FAT4: variants seen among roughly 807,000 people sequenced by gnomAD.
FAT4 encodes FAT atypical cadherin 4, also known as protocadherin Fat 4.
Under a neutral mutation model 303.9 loss-of-function variants are expected in FAT4, and 84 were observed. That is an observed-to-expected ratio of 0.28 (90% confidence interval 0.23 to 0.33). FAT4 has a LOEUF of 0.33. Ranked by LOEUF, FAT4 falls within the 10% of genes least tolerant of loss-of-function variation. FAT4 has a pLI of 1.00. For synonymous variants in FAT4, 2,307 were observed against 2,298.8 expected, an observed-to-expected ratio of 1.00 and a Z score of -0.10; for missense variants, 6,005 against 6,146.8, an observed-to-expected ratio of 0.98 and a Z score of 0.77.
intron 2 of FAT4, among the ~76,000 whole-genome samples, chr4:125,391,256 A>G (rs1733964280): frequency 6.6e-6 from 1 of 152,172 alleles, no homozygotes; most frequent in African/African-American, 2.4e-5. Context: ...TAGCAAAGAA[A>G]TGGATCCAAC....
rs780046426 is a variant in FAT4 at position 125,434,237 on chromosome 4, C to CTT, written c.7019-4_7019-3dup. Reference sequence around the variant, plus strand: ...AAACATTGAGACTTGATTTTCTTTTCTTTTTAGGATCCCCTGCCTTGACTG... The same window carrying CTT: ...AAACATTGAGACTTGATTTTCTTTTCTTTTTTTAGGATCCCCTGCCTTGACTG... On this transcript the variant is annotated splice_polypyrimidine_tract_variant and splice_region_variant and intron_variant, in intron 7 of 17. Coordinates refer to ENST00000394329, the MANE Select transcript of FAT4 (RefSeq NM_001291303.3). 4.4e-6 allele frequency: 7 copies of CTT among 1,594,882 alleles called. No individual in the cohort carries two copies. The highest frequency in any genetic ancestry group is 6.0e-6 in the Non-Finnish European group (7 of 1,170,246).
At chr4:125,396,541 C>A (rs1216020681) in intron 2 of FAT4, among the ~76,000 whole-genome samples, 1 of 152,044 alleles carries the variant, frequency 6.6e-6, no homozygotes, top group South Asian at 2.1e-4. Context: ...TACACACTTA[C>A]ATGCACACAT....
At chr4:125,385,799 T>A (rs1197257632) in intron 2 of FAT4, among the ~76,000 whole-genome samples, 1 of 152,180 alleles carries the variant, frequency 6.6e-6, no homozygotes, top group African/African-American at 2.4e-5. Flanking sequence ...TCCATAGTAG[T>A]TCAGACTTCT....
Position 125,359,112 on chromosome 4 carries a change from G to A in FAT4, c.5175+37526G>A, listed in dbSNP as rs75150904. ...AAGCAGCAGCATAAATATCTATATAGAATTAGCCAGGTTCTAGTCTGGCAC... is the reference window on the plus strand; with the variant it reads ...AAGCAGCAGCATAAATATCTATATAAAATTAGCCAGGTTCTAGTCTGGCAC... On this transcript the variant is annotated intron_variant, in intron 2 of 17. Transcript: ENST00000394329. Among the ~76,000 whole-genome samples, 261 of 152,172 alleles carry A rather than the reference G, an allele frequency of 1.7e-3. 3 individuals carry two copies. Among genetic ancestry groups the A allele is most frequent in the African/African-American group, 5.8e-3 (239 of 41,534 alleles).
intron 2 of FAT4, among the ~76,000 whole-genome samples, chr4:125,355,532 T>C (rs1019127998): frequency 2.5e-4 from 38 of 152,022 alleles, no homozygotes; most frequent in Non-Finnish European, 4.1e-4. Flanking sequence ...GTCAAGTTAC[T>C]TGATTTTTGT....
chr4:125,356,164 T>C (rs1030902933), intron 2 of FAT4, among the ~76,000 whole-genome samples: 5 of 152,028 alleles, frequency 3.3e-5, no homozygotes, highest in Non-Finnish European at 5.9e-5. Context: ...ATCTTTGTAG[T>C]CTAACAATAA....
At position 125,449,039 on chromosome 4, in the gene FAT4, A is replaced by G. The variant is rs1725934795; in HGVS notation, c.8029A>G (p.Ile2677Val). The G allele has an allele frequency of 6.2e-7, 1 of 1,613,760 alleles. No individual in the cohort carries two copies. The highest frequency in any genetic ancestry group is 1.1e-5 in the South Asian group (1 of 91,068). The part of the protein sequence containing the change: ...NAPIFKEDPF[I>V]SEILENLSPR... ...CCCAATTTTTAAGGAAGACCCATTTATATCTGAAATATTGGAAAACCTTTC... is the reference window on the plus strand; with the variant it reads ...CCCAATTTTTAAGGAAGACCCATTTGTATCTGAAATATTGGAAAACCTTTC... Residue 2677 changes from isoleucine (I) to valine (V), a missense_variant, in exon 10 of 18, where the codon ATA becomes GTA. Coordinates refer to ENST00000394329, the MANE Select transcript of FAT4 (RefSeq NM_001291303.3).
At chr4:125,359,061 G>T (rs907913196) in intron 2 of FAT4, among the ~76,000 whole-genome samples, 2 of 152,120 alleles carry the variant, frequency 1.3e-5, no homozygotes, top group Admixed American at 6.6e-5. Flanking sequence ...ATCAGACTTA[G>T]TGGACAAATT....
chr4:125,490,393 T>C lies in FAT4; in HGVS notation c.13577T>C (p.Ile4526Thr). The C allele has an allele frequency of 1.9e-6, 3 of 1,614,020 alleles. No individual in the cohort carries two copies. Among genetic ancestry groups the C allele is most frequent in the Non-Finnish European group, 2.5e-6 (3 of 1,180,014 alleles). ...TTGGCCCTCCTGGTCCTTAGCCTGATCCTGTGTAACCAGTGCAGGGGGAAG... is the reference window on the plus strand; with the variant it reads ...TTGGCCCTCCTGGTCCTTAGCCTGACCCTGTGTAACCAGTGCAGGGGGAAG... ...TVLALLVLSLILCNQCRGKKA... is the reference protein window; with the variant it reads ...TVLALLVLSLTLCNQCRGKKA... The change falls in exon 18 of 18, where the codon ATC becomes ACC. Residue 4526 changes from isoleucine to threonine, a missense_variant. Coordinates refer to ENST00000394329, the MANE Select transcript of FAT4 (RefSeq NM_001291303.3).
intron 2 of FAT4, among the ~76,000 whole-genome samples, chr4:125,330,406 C>T (rs1230381226): frequency 2.0e-5 from 3 of 152,216 alleles, no homozygotes; most frequent in Non-Finnish European, 4.4e-5. Flanking sequence ...TGTTGGAATG[C>T]CCCTGGAACT....
rs1730803868 is a variant in FAT4 at position 125,319,142 on chromosome 4, A to G, written c.2731A>G (p.Ser911Gly). The change falls in exon 2 of 18, where the codon AGC (serine) becomes GGC (glycine). Residue 911 changes from serine to glycine, a missense_variant. Physicochemically the swap from Ser to Gly is moderately conservative, Grantham distance 56. Coordinates refer to ENST00000394329, the MANE Select transcript of FAT4 (RefSeq NM_001291303.3). ...NVVENWQAGH[S>G]IFQAKAVDPD... The stretch of plus-strand genomic sequence containing the variant: ...GGTGGAGAATTGGCAGGCAGGTCAC[A>G]GCATTTTCCAGGCCAAAGCTGTGGA... 3 of 1,614,188 alleles carry G rather than the reference A, an allele frequency of 1.9e-6. No individual in the cohort carries two copies. The highest frequency in any genetic ancestry group is 2.5e-6 in the Non-Finnish European group (3 of 1,180,034).
In FAT4 at chr4:125,415,705, G is replaced by A; in HGVS notation, c.6742G>A (p.Val2248Ile). The change falls in exon 6 of 18, where the codon GTT becomes ATT. Residue 2248 changes from valine to isoleucine, a missense_variant. Transcript: ENST00000394329. ...PRTDTSTVSI[V>I]LLDINDFVPV... ...AACTGATACCTCCACGGTCAGCATT[G>A]TTCTACTGGATATTAATGACTTTGT... 1 of 1,613,940 alleles carries A rather than the reference G, an allele frequency of 6.2e-7. No homozygotes were observed. Among genetic ancestry groups the A allele is most frequent in the Non-Finnish European group, 8.5e-7 (1 of 1,179,942 alleles).
intron 8 of FAT4, among the ~76,000 whole-genome samples, chr4:125,445,946 G>A (rs995623860): frequency 2.0e-5 from 3 of 151,936 alleles, no homozygotes; most frequent in African/African-American, 7.3e-5. Flanking sequence ...TGTAATCCTG[G>A]CTACTAACCA....
chr4:125,416,338 C>T (rs1446897883), intron 6 of FAT4, 110 bp from the exon 7 acceptor site: 4 of 945,716 alleles, frequency 4.2e-6, no homozygotes, highest in Non-Finnish European at 6.3e-6. Flanking sequence ...AAAAATATAT[C>T]TTTGGAATCT....
At chr4:125,455,033 A>G (rs541651128) in intron 10 of FAT4, among the ~76,000 whole-genome samples, 1 of 152,290 alleles carries the variant, frequency 6.6e-6, no homozygotes, top group East Asian at 1.9e-4. Context: ...ATCATGAATA[A>G]TAGAGCTATA....
Position 125,315,977 on chromosome 4 carries a change from G to C in FAT4, c.-13G>C, listed in dbSNP as rs1045189453. ...CTCCCTCTTCACGTTCTTCGCTGCG[G>C]GTAAGTTCTAAAGTTTCTGAAGACC... On this transcript the variant is annotated splice_region_variant and 5_prime_UTR_variant, in exon 1 of 18. Transcript: ENST00000394329. Among the ~76,000 whole-genome samples, 1 of 152,124 alleles carries C rather than the reference G, an allele frequency of 6.6e-6. No individual in the cohort carries two copies. Among genetic ancestry groups the C allele is most frequent in the African/African-American group, 2.4e-5 (1 of 41,434 alleles).
At chr4:125,456,640 CTA>C (rs1726290902) in intron 10 of FAT4, among the ~76,000 whole-genome samples, 2 of 152,014 alleles carry the variant, frequency 1.3e-5, no homozygotes, top group African/African-American at 4.8e-5. Flanking sequence ...GCTTAAATTT[CTA>C]TAGTTTGTTA....
intron 7 of FAT4, among the ~76,000 whole-genome samples, chr4:125,422,602 T>C (rs1578625921): frequency 6.6e-6 from 1 of 152,200 alleles, no homozygotes; most frequent in Non-Finnish European, 1.5e-5. Flanking sequence ...TCTTGAGGCC[T>C]TCCCAGCCAT....
Position 125,491,391 on chromosome 4 carries a change from A to G in FAT4, c.14575A>G (p.Arg4859Gly). ...CACTTGCTCAGAAATGGAATATGACAGGGAGAAGCCAATGGTATATACTTC... is the reference window on the plus strand; with the variant it reads ...CACTTGCTCAGAAATGGAATATGACGGGGAGAAGCCAATGGTATATACTTC... ...SFTCSEMEYD[R>G]EKPMVYTSRM... The change falls in exon 18 of 18, where the codon AGG becomes GGG. Residue 4859 changes from arginine (R) to glycine (G), a missense_variant. Transcript: ENST00000394329. The G allele has an allele frequency of 6.2e-7, 1 of 1,614,172 alleles. No individual in the cohort carries two copies. The highest frequency in any genetic ancestry group is 8.5e-7 in the Non-Finnish European group (1 of 1,179,990).
Sources: allele counts gnomAD v4.1 joint callset (sites outside exome capture counted in the v4.1 genomes callset), GRCh38; gene constraint gnomAD v4.1.1; transcripts MANE v1.5; gene names NCBI Gene and HGNC (gene_info 2026-07-23, HGNC 2026-07-21).